The following DNAJC24 variants were observed in gnomAD, a reference collection of about 807,000 sequenced individuals.
DNAJC24 encodes the protein DnaJ heat shock protein family (Hsp40) member C24, also known as dnaJ homolog subfamily C member 24.
A neutral mutation model predicts 18.0 loss-of-function variants in DNAJC24; 17 were observed. The ratio of observed to expected loss-of-function variants is 0.94; its 90% CI spans 0.65 to 1.42. The LOEUF is 1.42. Among genes scored for constraint, DNAJC24 ranks in the 40% most tolerant of loss-of-function variants. The pLI is 0.00. For synonymous variants in DNAJC24, 55 were observed against 57.7 expected (o/e 0.95, Z 0.21); for missense variants, 158 against 175.6 (o/e 0.90, Z 0.57).
chr11:31,399,713 C>CTT (rs370853069), intron 2 of DNAJC24, among the ~76,000 whole-genome samples: 1 of 113,062 alleles, frequency 8.8e-6, no homozygotes. Flanking sequence ...TGCCCAGCCT[C>CTT]TTTTTTTTTT....
intron 2 of DNAJC24, among the ~76,000 whole-genome samples, chr11:31,375,106 G>T (rs1952300372): frequency 7.4e-6 from 1 of 135,176 alleles, no homozygotes. Context: ...TTGAGCCCAG[G>T]AGTTCAAGGC....
intron 2 of DNAJC24, chr11:31,408,043 G>A (rs190661841): frequency 3.1e-5 from 14 of 453,930 alleles, no homozygotes; most frequent in African/African-American, 1.4e-4. Context: ...ATTAGTGAAC[G>A]AAAGGTATCA....
At chr11:31,385,592 A>G (rs1952420678) in intron 2 of DNAJC24, among the ~76,000 whole-genome samples, 1 of 152,242 alleles carries the variant, frequency 6.6e-6, no homozygotes, top group African/African-American at 2.4e-5. Context: ...TTAAATTATC[A>G]TTAAAAGACT....
intron 2 of DNAJC24, among the ~76,000 whole-genome samples, chr11:31,371,979 C>T (rs1052759252): frequency 6.6e-6 from 1 of 151,622 alleles, no homozygotes; most frequent in Non-Finnish European, 1.5e-5. Flanking sequence ...CATGCCACCA[C>T]GCCTGGCTAA....
chr11:31,384,147 T>G (rs1462057885), intron 2 of DNAJC24, among the ~76,000 whole-genome samples: 6 of 152,188 alleles, frequency 3.9e-5, no homozygotes, highest in Middle Eastern at 3.2e-3. Flanking sequence ...GCTACCCCCA[T>G]TGTAAATAAG....
chr11:31,382,761 T>A (rs1198739837), intron 2 of DNAJC24, among the ~76,000 whole-genome samples: 2 of 152,134 alleles, frequency 1.3e-5, no homozygotes, highest in African/African-American at 4.8e-5. Context: ...ACCAATTGGG[T>A]GTCCTGTAAT....
chr11:31,399,739 CTTTTTTTTT>C (rs757871094), intron 2 of DNAJC24, among the ~76,000 whole-genome samples: 1 of 97,056 alleles, frequency 1.0e-5, no homozygotes, highest in South Asian at 4.0e-4. Flanking sequence ...ACTGTTTTTT[CTTTTTTTTT>C]TTTTTTTTTT....
intron 2 of DNAJC24, among the ~76,000 whole-genome samples, chr11:31,377,492 A>G (rs747595306): frequency 1.1e-4 from 17 of 152,126 alleles, no homozygotes; most frequent in Non-Finnish European, 1.2e-4. Flanking sequence ...AATAAAAGTA[A>G]TTGAACCAAC....
chr11:31,385,712 GTAA>G, intron 2 of DNAJC24, among the ~76,000 whole-genome samples: 1 of 152,108 alleles, frequency 6.6e-6, no homozygotes, highest in Non-Finnish European at 1.5e-5. Flanking sequence ...AAAGGTGATA[GTAA>G]TAATGTAATA....
chr11:31,396,399 G>A (rs1952542935), intron 2 of DNAJC24: 1 of 399,280 alleles, frequency 2.5e-6, no homozygotes. Context: ...TTGGAGGTCG[G>A]TTAGCCCCTC....
chr11:31,373,699 C>A lies in DNAJC24; in HGVS notation c.111+2840C>A, dbSNP rs537703607. Among the ~76,000 whole-genome samples, 53 of 134,826 alleles carry A rather than the reference C, an allele frequency of 3.9e-4. 6 individuals are homozygous for A. The highest frequency in any genetic ancestry group is 1.3e-3 in the African/African-American group (51 of 40,398). 88.5% of individuals were successfully genotyped at this position (134,826 alleles called of 152,430 possible). On this transcript the variant is annotated intron_variant, in intron 2 of 4. Coordinates refer to ENST00000465995, the MANE Select transcript of DNAJC24 (RefSeq NM_181706.5). ...GGTATCCACTTTGGTAGAATGGCAT[C>A]TTAATAATATTGAGTCTTTGAATCT...
chr11:31,392,604 G>A (rs796341), intron 2 of DNAJC24, among the ~76,000 whole-genome samples: 107,386 of 151,898 alleles, frequency 0.71, 39,402 homozygotes, highest in African/African-American at 0.9. Context: ...TTAGAATTCT[G>A]TGAGGCAGGG....
intron 2 of DNAJC24, among the ~76,000 whole-genome samples, chr11:31,404,466 T>C (rs1952634995): frequency 6.6e-6 from 1 of 152,192 alleles, no homozygotes; most frequent in South Asian, 2.1e-4. Context: ...AACTTAAGAT[T>C]TTCCTTTATT....
At chr11:31,418,318 A>T (rs566442140) in intron 3 of DNAJC24, among the ~76,000 whole-genome samples, 1 of 152,150 alleles carries the variant, frequency 6.6e-6, no homozygotes, top group Non-Finnish European at 1.5e-5. Flanking sequence ...GTTCACATGA[A>T]TAATACCTGT....
intron 2 of DNAJC24, chr11:31,408,366 C>T (rs1952675442): frequency 2.7e-6 from 1 of 364,158 alleles, no homozygotes; most frequent in South Asian, 2.1e-5. Flanking sequence ...AACAAGCTCT[C>T]AGATGATGCT....
At chr11:31,428,996 A>C (rs778302367) in intron 4 of DNAJC24, among the ~76,000 whole-genome samples, 5 of 152,116 alleles carry the variant, frequency 3.3e-5, no homozygotes, top group Non-Finnish European at 7.4e-5. Context: ...GGGTAGGGGG[A>C]GATTTAGCTT....
intron 2 of DNAJC24, among the ~76,000 whole-genome samples, chr11:31,408,892 T>C (rs1952679423): frequency 6.6e-6 from 1 of 152,150 alleles, no homozygotes; most frequent in African/African-American, 2.4e-5. Flanking sequence ...TGGAAATAGA[T>C]GTCTTTGTAT....
intron 2 of DNAJC24, among the ~76,000 whole-genome samples, chr11:31,408,714 T>A (rs570540346): frequency 6.6e-6 from 1 of 152,342 alleles, no homozygotes; most frequent in East Asian, 1.9e-4. Flanking sequence ...TCTTAATCTA[T>A]TTTTGTGTTA....
rs188804241 is a variant in DNAJC24, at chr11:31,412,401, C to A, written c.112-2410C>A. On this transcript the variant is annotated intron_variant, in intron 2 of 4. Coordinates refer to ENST00000465995, the MANE Select transcript of DNAJC24 (RefSeq NM_181706.5). ...TGAATTAAGAGTTTTCCCCTGTAAA[C>A]GTATCATAAATGTATCCTGGCATAT... Among the ~76,000 whole-genome samples the A allele has an allele frequency of 2.1e-3, 313 of 152,204 alleles. 1 individual carries two copies. Among genetic ancestry groups the A allele is most frequent in the Middle Eastern group, 3.4e-3 (1 of 294 alleles).
Sources: gnomAD v4.1 joint callset for allele counts (sites outside exome capture counted in the v4.1 genomes callset) on GRCh38, gnomAD v4.1.1 for gene constraint, MANE v1.5 for transcripts, NCBI Gene and HGNC (gene_info 2026-07-23, HGNC 2026-07-21) for gene names.